ARPP21: variants seen among roughly 807,000 people sequenced by gnomAD.
The protein encoded by ARPP21 is cAMP regulated phosphoprotein 21.
Under a neutral mutation model 113.2 loss-of-function variants are expected in ARPP21, and 69 were observed. That is an observed-to-expected ratio of 0.61 (90% CI 0.50 to 0.74). The LOEUF (loss-of-function observed/expected upper bound fraction) is 0.74. ARPP21 is among the 30% of genes least tolerant of loss of function. The pLI is 0.00. For missense variants in ARPP21, 1,070 were observed against 1,037.4 expected (o/e 1.03, Z -0.43); for synonymous variants, 368 against 375.5 (o/e 0.98, Z 0.23).
At chr3:35,648,228 G>A (rs1318276428) in intron 1 of ARPP21, among the ~76,000 whole-genome samples, 1 of 152,108 alleles carries the variant, frequency 6.6e-6, no homozygotes, top group African/African-American at 2.4e-5. Context: ...CAGTTTGTAA[G>A]GGAAGAAATG....
At position 35,729,365 on chromosome 3, in the gene ARPP21, C is replaced by G. The variant is rs2093782333; in HGVS notation, c.1288C>G (p.Gln430Glu). The change falls in exon 15 of 21, where the codon CAG (glutamine) becomes GAG (glutamate). Residue 430 changes from glutamine (Q) to glutamate (E), a missense_variant. Gln to Glu is a conservative substitution (Grantham distance 29, BLOSUM62 2). Coordinates refer to ENST00000684406, the MANE Select transcript of ARPP21 (RefSeq NM_001385562.1). ...GCTGTCCCGCACCCATCCACCTCTCCAGAGCACACCCCTAGTCTCAGGTGT... is the reference window on the plus strand; with the variant it reads ...GCTGTCCCGCACCCATCCACCTCTCGAGAGCACACCCCTAGTCTCAGGTGT... ...GSLSRTHPPL[Q>E]STPLVSGVAA... The G allele has an allele frequency of 6.2e-7, 1 of 1,614,090 alleles. No homozygotes were observed. Among genetic ancestry groups the G allele is most frequent in the African/African-American group, 1.3e-5 (1 of 74,934 alleles).
chr3:35,743,482 A>G (rs1449564346), intron 18 of ARPP21, among the ~76,000 whole-genome samples: 1 of 152,138 alleles, frequency 6.6e-6, no homozygotes, highest in Non-Finnish European at 1.5e-5. Context: ...TGTTCCCCAC[A>G]TGGCCTTTTT....
At chr3:35,703,279 G>GGA (rs2087225945) in intron 9 of ARPP21, among the ~76,000 whole-genome samples, 1 of 151,628 alleles carries the variant, frequency 6.6e-6, no homozygotes, top group South Asian at 2.1e-4. Context: ...AGCTTCAAGG[G>GGA]GGAAAAAACT....
chr3:35,715,500 T>G, intron 12 of ARPP21, 24 bp downstream of exon 12: 1 of 1,593,752 alleles, frequency 6.3e-7, no homozygotes. Context: ...TACTTTTCCA[T>G]GTCTTTAGAG....
intron 1 of ARPP21, among the ~76,000 whole-genome samples, chr3:35,664,646 G>A (rs544537994): frequency 4.6e-5 from 7 of 152,294 alleles, no homozygotes; most frequent in African/African-American, 1.4e-4. Flanking sequence ...GAATTGAGCA[G>A]GAATTTGTTG....
chr3:35,777,116 A>T (rs1477179507), intron 19 of ARPP21, among the ~76,000 whole-genome samples: 1 of 152,074 alleles, frequency 6.6e-6, no homozygotes, highest in East Asian at 1.9e-4. Flanking sequence ...TTCCAGGAAT[A>T]GTGTGTGTGT....
intron 1 of ARPP21, among the ~76,000 whole-genome samples, chr3:35,658,748 C>A (rs56135905): frequency 0.045 from 6,913 of 152,114 alleles, 220 homozygotes; most frequent in Admixed American, 0.082. Flanking sequence ...CTTTTCTGAA[C>A]TGACCCCTTT....
chr3:35,704,570 A>G (rs924342501), intron 9 of ARPP21, among the ~76,000 whole-genome samples: 24 of 151,906 alleles, frequency 1.6e-4, no homozygotes, highest in Admixed American at 9.2e-4. Flanking sequence ...GGTCAATATA[A>G]ATTGAAACAT....
intron 11 of ARPP21, chr3:35,715,058 GA>G: frequency 5.1e-6 from 1 of 194,278 alleles, no homozygotes; most frequent in East Asian, 1.2e-4. Flanking sequence ...GCTCTGCTTT[GA>G]TTTGAACCCT....
chr3:35,731,742 G>T (rs1168932533), intron 15 of ARPP21, among the ~76,000 whole-genome samples: 1 of 151,806 alleles, frequency 6.6e-6, no homozygotes, highest in African/African-American at 2.4e-5. Context: ...CTCTGGGCTG[G>T]AACTCATCTT....
chr3:35,712,891 TA>T (rs1239148723), intron 11 of ARPP21, among the ~76,000 whole-genome samples: 2 of 152,238 alleles, frequency 1.3e-5, no homozygotes, highest in African/African-American at 4.8e-5. Context: ...TTGGGAAGGT[TA>T]AATTGATAAA....
At chr3:35,790,178 C>A (rs1577077790) in intron 19 of ARPP21, among the ~76,000 whole-genome samples, 1 of 152,182 alleles carries the variant, frequency 6.6e-6, no homozygotes, top group Non-Finnish European at 1.5e-5. Flanking sequence ...TACTAAATGG[C>A]ACTCCTCTCA....
chr3:35,678,422 G>A (rs938282187), intron 1 of ARPP21, among the ~76,000 whole-genome samples: 15 of 151,880 alleles, frequency 9.9e-5, no homozygotes, highest in African/African-American at 3.4e-4. Flanking sequence ...AAGACACGAT[G>A]ATTTCTATTT....
chr3:35,782,366 T>A (rs1004012673), intron 19 of ARPP21, among the ~76,000 whole-genome samples: 1 of 152,198 alleles, frequency 6.6e-6, no homozygotes, highest in Non-Finnish European at 1.5e-5. Flanking sequence ...CAAACAACAC[T>A]AATCATGTTC....
At chr3:35,783,029 A>C (rs2096557939) in intron 19 of ARPP21, among the ~76,000 whole-genome samples, 1 of 151,952 alleles carries the variant, frequency 6.6e-6, no homozygotes. Context: ...AACTGTGGTC[A>C]TTGTCACATT....
At chr3:35,789,876 C>G (rs1381614476) in intron 19 of ARPP21, among the ~76,000 whole-genome samples, 1 of 152,208 alleles carries the variant, frequency 6.6e-6, no homozygotes, top group East Asian at 1.9e-4. Flanking sequence ...ATTTTCCCTT[C>G]ACCCAATTTT....
chr3:35,751,632 A>G (rs902254534), intron 19 of ARPP21, among the ~76,000 whole-genome samples: 4 of 152,144 alleles, frequency 2.6e-5, no homozygotes, highest in Non-Finnish European at 4.4e-5. Flanking sequence ...TCTGCTCAAC[A>G]GCCAGAATGA....
intron 19 of ARPP21, among the ~76,000 whole-genome samples, chr3:35,781,819 T>C (rs575834152): frequency 6.6e-6 from 1 of 152,296 alleles, no homozygotes; most frequent in Non-Finnish European, 1.5e-5. Context: ...CAACTCTAAC[T>C]ATAATGAAAA....
chr3:35,683,860 C>T (rs767336974), intron 5 of ARPP21, 45 bp downstream of exon 5: 5 of 985,240 alleles, frequency 5.1e-6, no homozygotes, highest in Non-Finnish European at 6.6e-6. Context: ...ATGGGATCCA[C>T]CTTTGTGTGC....
Sources: gnomAD v4.1 joint callset for allele counts (sites outside exome capture counted in the v4.1 genomes callset) on GRCh38, gnomAD v4.1.1 for gene constraint, MANE v1.5 for transcripts, NCBI Gene and HGNC (gene_info 2026-07-23, HGNC 2026-07-21) for gene names.